Variants in FRMD4B observed in about 807,000 individuals in gnomAD.
FRMD4B encodes FERM domain-containing protein 4B.
FRMD4B carries 74 observed loss-of-function variants against 141.5 expected under a neutral mutation model. That is an observed-to-expected ratio of 0.52 (90% CI 0.43 to 0.63). The LOEUF (loss-of-function observed/expected upper bound fraction) is 0.63, where lower values mean the gene tolerates loss of function less well. Among genes scored for constraint, FRMD4B ranks in the 30% least tolerant of loss-of-function variants. The pLI is 0.00. For missense variants in FRMD4B, 1,366 were observed against 1,253.4 expected (o/e 1.09, Z -1.36); for synonymous variants, 506 against 467.9 (o/e 1.08, Z -1.05).
At chr3:69,314,402 T>A (rs1235014753) in intron 1 of FRMD4B, among the ~76,000 whole-genome samples, 1 of 150,928 alleles carries the variant, frequency 6.6e-6, no homozygotes, top group Non-Finnish European at 1.5e-5. Context: ...TGGTGCACAC[T>A]TGTAATCCCA....
intron 1 of FRMD4B, among the ~76,000 whole-genome samples, chr3:69,518,631 C>G (rs1045233387): frequency 6.6e-6 from 1 of 152,168 alleles, no homozygotes; most frequent in Non-Finnish European, 1.5e-5. Flanking sequence ...CTTCCAACCC[C>G]TGGGCCACAG....
chr3:69,457,056 G>GTA lies in FRMD4B; in HGVS notation c.-128-24297_-128-24296dup, dbSNP rs549630882. Among the ~76,000 whole-genome samples, 879 of 151,984 alleles carry GTA rather than the reference G, an allele frequency of 5.8e-3. 8 individuals carry two copies. The highest frequency in any genetic ancestry group is 0.02 in the African/African-American group (840 of 41,474). On this transcript the variant is annotated intron_variant, in intron 1 of 5. Coordinates refer to the FRMD4B transcript ENST00000459638. ...CACACACAAACGTGTGTGTGTGTGT[G>GTA]TATATTTAACAATGAACATGTATTA...
intron 1 of FRMD4B, among the ~76,000 whole-genome samples, chr3:69,538,951 T>G (rs896028674): frequency 5.3e-5 from 8 of 152,236 alleles, no homozygotes; most frequent in Admixed American, 5.2e-4. Context: ...ATGTAAGACC[T>G]GCTGATGAGC....
chr3:69,413,338 A>C (rs1704793000), intron 2 of FRMD4B, among the ~76,000 whole-genome samples: 1 of 152,214 alleles, frequency 6.6e-6, no homozygotes, highest in Admixed American at 6.5e-5. Context: ...AACGAGGCAC[A>C]GAGTAGTGAT....
At chr3:69,244,303 G>T (rs904475434) in intron 7 of FRMD4B, among the ~76,000 whole-genome samples, 1 of 152,174 alleles carries the variant, frequency 6.6e-6, no homozygotes, top group Non-Finnish European at 1.5e-5. Context: ...TTTGGAGGCT[G>T]GGCTGTTGGT....
At chr3:69,274,114 C>T (rs1032249542) in intron 5 of FRMD4B, among the ~76,000 whole-genome samples, 21 of 152,060 alleles carry the variant, frequency 1.4e-4, no homozygotes, top group Admixed American at 2.6e-4. Flanking sequence ...TCAGTATGAC[C>T]GCAGGGTGAG....
intron 1 of FRMD4B, chr3:69,472,207 C>A: frequency 3.3e-6 from 1 of 299,416 alleles, no homozygotes; most frequent in Non-Finnish European, 6.9e-6. Flanking sequence ...ATTTACAGAG[C>A]TGAAGATCTT....
chr3:69,237,899 T>G (rs2093356578), intron 7 of FRMD4B, among the ~76,000 whole-genome samples: 1 of 152,150 alleles, frequency 6.6e-6, no homozygotes, highest in South Asian at 2.1e-4. Context: ...CTCGGCTCAT[T>G]TTTTGTATTT....
At chr3:69,406,065 C>T (rs9880450) in intron 2 of FRMD4B, among the ~76,000 whole-genome samples, 102,576 of 151,946 alleles carry the variant, frequency 0.68, 34,755 homozygotes, top group Middle Eastern at 0.69. Flanking sequence ...ATTAATTTTA[C>T]TGGGGTCCCA....
intron 2 of FRMD4B, among the ~76,000 whole-genome samples, chr3:69,404,701 G>A (rs62251416): frequency 0.039 from 6,010 of 152,174 alleles, 187 homozygotes; most frequent in Non-Finnish European, 0.059. Flanking sequence ...AATGAAGTAG[G>A]TCAAGACAAA....
At chr3:69,480,275 G>A (rs1014209509) in intron 1 of FRMD4B, among the ~76,000 whole-genome samples, 7 of 152,234 alleles carry the variant, frequency 4.6e-5, no homozygotes, top group Admixed American at 6.5e-5. Flanking sequence ...TGGAGGAGGA[G>A]AGGCGCTCTG....
At chr3:69,230,581 A>G (rs1164297934) in intron 7 of FRMD4B, among the ~76,000 whole-genome samples, 1 of 151,842 alleles carries the variant, frequency 6.6e-6, no homozygotes, top group Non-Finnish European at 1.5e-5. Flanking sequence ...CCCCACCTCT[A>G]TTAAAAAAAT....
intron 4 of FRMD4B, among the ~76,000 whole-genome samples, chr3:69,301,317 T>G (rs1285368542): frequency 6.6e-6 from 1 of 152,022 alleles, no homozygotes; most frequent in Non-Finnish European, 1.5e-5. Context: ...AGGTATTACT[T>G]CTTGTTTTTT....
chr3:69,230,969 C>T (rs1445110329), intron 7 of FRMD4B, among the ~76,000 whole-genome samples: 1 of 152,072 alleles, frequency 6.6e-6, no homozygotes, highest in African/African-American at 2.4e-5. Context: ...ACATAAAGGT[C>T]CAAAACAAAC....
At chr3:69,334,754 C>T (rs1263269632) in intron 1 of FRMD4B, among the ~76,000 whole-genome samples, 1 of 152,176 alleles carries the variant, frequency 6.6e-6, no homozygotes, top group Non-Finnish European at 1.5e-5. Context: ...GACTAGCATC[C>T]ATTCACATAT....
intron 1 of FRMD4B, among the ~76,000 whole-genome samples, chr3:69,378,716 A>C (rs1704037465): frequency 1.3e-5 from 2 of 151,990 alleles, no homozygotes; most frequent in South Asian, 4.1e-4. Context: ...CTCCCCATAA[A>C]CATCAAAATT....
At position 69,462,460 on chromosome 3, in the gene FRMD4B, G is replaced by A. The variant is rs1297154998; in HGVS notation, c.-128-29699C>T. On this transcript the variant is annotated intron_variant, in intron 1 of 5. Transcript: ENST00000459638. The stretch of plus-strand genomic sequence containing the variant: ...AGCCTTGTCAGGGTGCATGAGAACT[G>A]TCTGAAGACAACTTCTGGGGTAGGC... 2.0e-5 allele frequency among the ~76,000 whole-genome samples: 3 copies of A among 152,212 alleles called. No individual in the cohort carries two copies. In the East Asian group the frequency reaches 5.8e-4, roughly 29 times the overall value.
At chr3:69,435,026 T>C (rs977494361) in intron 1 of FRMD4B, among the ~76,000 whole-genome samples, 2 of 152,158 alleles carry the variant, frequency 1.3e-5, no homozygotes, top group African/African-American at 4.8e-5. Context: ...TGTGCCCATA[T>C]TTCTTCTTAT....
intron 1 of FRMD4B, among the ~76,000 whole-genome samples, chr3:69,477,204 C>T (rs1337303928): frequency 1.4e-3 from 200 of 144,166 alleles, no homozygotes; most frequent in African/African-American, 3.2e-3. Flanking sequence ...ATTTCCTTCT[C>T]CTGCCTGATT....
Sources: allele counts gnomAD v4.1 joint callset (sites outside exome capture counted in the v4.1 genomes callset), GRCh38; gene constraint gnomAD v4.1.1; transcripts MANE v1.5; gene names NCBI Gene and HGNC (gene_info 2026-07-23, HGNC 2026-07-21).